Variants in NCKAP5 observed in about 807,000 individuals in gnomAD.
NCKAP5 encodes the protein NCK associated protein 5.
Under a neutral mutation model 167.0 loss-of-function variants are expected in NCKAP5, and 92 were observed. That is an observed-to-expected ratio of 0.55 (90% CI 0.47 to 0.66). NCKAP5 has a LOEUF of 0.66. Ranked by LOEUF, NCKAP5 falls within the 30% of genes least tolerant of loss-of-function variation. The pLI is 0.00. For missense variants in NCKAP5, 2,378 were observed against 2,315.0 expected (o/e 1.03, Z -0.56); for synonymous variants, 891 against 877.4 (o/e 1.02, Z -0.27).
Position 133,417,139 on chromosome 2 carries a change from A to G in NCKAP5, c.69+100319T>C, listed in dbSNP as rs1399333950. Among the ~76,000 whole-genome samples the G allele has an allele frequency of 4.1e-5, 6 of 147,388 alleles. No individual in the cohort carries two copies. The East Asian group carries it at 9.8e-4, about 24-fold the overall frequency. ...AAAGTATGTTAAAAAAAAAAAAAAA[A>G]GGCAGTGTTTTGTTTGTTTCTTTCT... On this transcript the variant is annotated intron_variant, in intron 3 of 19. Coordinates refer to ENST00000409261, the MANE Select transcript of NCKAP5 (RefSeq NM_207363.3).
chr2:133,641,817 G>T, the NCKAP5 span, among the ~76,000 whole-genome samples: 2 of 152,182 alleles, frequency 1.3e-5, no homozygotes, highest in East Asian at 3.9e-4. Context: ...CTCTTCCATG[G>T]CAGGCTCACA....
chr2:133,317,085 G>A (rs1422991589), intron 3 of NCKAP5, among the ~76,000 whole-genome samples: 1 of 152,148 alleles, frequency 6.6e-6, no homozygotes, highest in Admixed American at 6.5e-5. Flanking sequence ...AGCGCCTGAA[G>A]AGACCTTCTC....
chr2:133,599,557 G>T, the NCKAP5 span, among the ~76,000 whole-genome samples: 1 of 152,178 alleles, frequency 6.6e-6, no homozygotes, highest in African/African-American at 2.4e-5. Context: ...TAAGTGCCAG[G>T]CATACTGGAT....
At chr2:133,547,581 A>C (rs1686849059) in intron 2 of NCKAP5, among the ~76,000 whole-genome samples, 1 of 151,644 alleles carries the variant, frequency 6.6e-6, no homozygotes, top group African/African-American at 2.4e-5. Context: ...CTGACCCCCG[A>C]GCAGCCTAAC....
At chr2:133,491,820 G>A (rs1407047570) in intron 3 of NCKAP5, among the ~76,000 whole-genome samples, 5 of 152,210 alleles carry the variant, frequency 3.3e-5, no homozygotes, top group South Asian at 2.1e-4. Flanking sequence ...CGCAGAGACC[G>A]TTAGGTCAGG....
At chr2:132,723,858 C>T (rs75601783) in intron 19 of NCKAP5, among the ~76,000 whole-genome samples, 9,161 of 152,194 alleles carry the variant, frequency 0.06, 930 homozygotes, top group African/African-American at 0.21. Flanking sequence ...AGCAGCCAGA[C>T]GCATCCTTTT....
chr2:133,655,263 G>A, the NCKAP5 span, among the ~76,000 whole-genome samples: 1 of 152,226 alleles, frequency 6.6e-6, no homozygotes, highest in Non-Finnish European at 1.5e-5. Context: ...AGTAAGGCCA[G>A]GGTAGACATT....
At chr2:133,574,372 T>C in the NCKAP5 span, among the ~76,000 whole-genome samples, 3 of 152,176 alleles carry the variant, frequency 2.0e-5, no homozygotes, top group Non-Finnish European at 4.4e-5. Flanking sequence ...GAGGCAGGGA[T>C]GCTCTGCTTT....
chr2:133,322,031 T>C (rs1682093337), intron 3 of NCKAP5, among the ~76,000 whole-genome samples: 1 of 152,198 alleles, frequency 6.6e-6, no homozygotes. Flanking sequence ...TGTGCATTTT[T>C]CTAGTTTTTA....
rs1338984975 is a variant in NCKAP5 at position 133,566,278 on chromosome 2, TAAG to T, written c.-130+1935_-130+1937del. Among the ~76,000 whole-genome samples, 5 of 152,254 alleles carry T rather than the reference TAAG, an allele frequency of 3.3e-5. No individual in the cohort carries two copies. The East Asian group carries it at 9.6e-4, about 29-fold the overall frequency. Reference sequence around the variant, plus strand: ...GGAAAAGCAAAGCAAGCTGTGGCCATAAGAAGAAGTCTGAGACTTGGAAGTAAA... The same window carrying T: ...GGAAAAGCAAAGCAAGCTGTGGCCATAAGAAGTCTGAGACTTGGAAGTAAA... On this transcript the variant is annotated intron_variant, in intron 1 of 19. Transcript: ENST00000409261.
chr2:133,171,165 T>C (rs2084233306), intron 5 of NCKAP5, among the ~76,000 whole-genome samples: 1 of 152,118 alleles, frequency 6.6e-6, no homozygotes, highest in Non-Finnish European at 1.5e-5. Flanking sequence ...GCATCTCAAG[T>C]TATAATAAAA....
At chr2:133,100,143 A>G (rs2081463284) in intron 6 of NCKAP5, among the ~76,000 whole-genome samples, 2 of 152,246 alleles carry the variant, frequency 1.3e-5, no homozygotes, top group South Asian at 4.1e-4. Context: ...GGATACGTCA[A>G]TAACTTCCTT....
In NCKAP5 at chr2:132,895,500, C is replaced by T. The variant is rs1446139268; in HGVS notation, c.580-16584G>A. ...CAGCATGAGAGCAACATCTGGAAGA[C>T]ATCTAGCCAGAAGCTGGAAATGTAG... On this transcript the variant is annotated intron_variant, in intron 8 of 19. Coordinates refer to ENST00000409261, the MANE Select transcript of NCKAP5 (RefSeq NM_207363.3). 2.0e-5 allele frequency among the ~76,000 whole-genome samples: 3 copies of T among 152,068 alleles called. No homozygotes were observed. The East Asian group carries it at 5.8e-4, about 29-fold the overall frequency.
chr2:133,114,061 G>C (rs1282049787), intron 6 of NCKAP5, among the ~76,000 whole-genome samples: 1 of 152,106 alleles, frequency 6.6e-6, no homozygotes. Context: ...TATATATTTA[G>C]ACCCGTAGAA....
At chr2:133,062,949 A>T (rs2080059819) in intron 6 of NCKAP5, among the ~76,000 whole-genome samples, 1 of 152,220 alleles carries the variant, frequency 6.6e-6, no homozygotes, top group Non-Finnish European at 1.5e-5. Flanking sequence ...CAGCATAAGG[A>T]TGTGAATGTA....
chr2:132,813,445 C>T (rs962385201), intron 11 of NCKAP5, among the ~76,000 whole-genome samples: 2 of 152,196 alleles, frequency 1.3e-5, no homozygotes, highest in African/African-American at 4.8e-5. Flanking sequence ...ACACAGTGGA[C>T]ATTCACACAG....
chr2:132,837,574 TTTC>T (rs1273164942), intron 11 of NCKAP5, among the ~76,000 whole-genome samples: 1 of 152,150 alleles, frequency 6.6e-6, no homozygotes, highest in Admixed American at 6.5e-5. Flanking sequence ...TTTTTGCATT[TTTC>T]TTATGTTTTT....
At chr2:132,845,129 A>G (rs1688567813) in intron 11 of NCKAP5, among the ~76,000 whole-genome samples, 1 of 152,048 alleles carries the variant, frequency 6.6e-6, no homozygotes, top group South Asian at 2.1e-4. Context: ...TTAACTGTTA[A>G]CTGTTTCTAC....
chr2:132,879,008 C>T lies in NCKAP5; in HGVS notation c.580-92G>A, dbSNP rs964127781. 61 of 976,960 alleles carry T rather than the reference C, an allele frequency of 6.2e-5. 1 individual carries two copies. Among genetic ancestry groups the T allele is most frequent in the Admixed American group, 1.1e-4 (6 of 53,568 alleles). 60.5% of individuals were successfully genotyped at this position (976,960 alleles called of 1,614,324 possible). A position where few individuals can be genotyped will look rare whatever the true frequency, so the allele number is the denominator to read the frequency against. On this transcript the variant is annotated intron_variant, in intron 8 of 19. Coordinates refer to ENST00000409261, the MANE Select transcript of NCKAP5 (RefSeq NM_207363.3). The stretch of plus-strand genomic sequence containing the variant: ...CATACAGTTACTAAATATATCTCCT[C>T]GTGATCCAAAACAATCTTTTAGAAG...
Sources: gnomAD v4.1 joint callset for allele counts (sites outside exome capture counted in the v4.1 genomes callset) on GRCh38, gnomAD v4.1.1 for gene constraint, MANE v1.5 for transcripts, NCBI Gene and HGNC (gene_info 2026-07-23, HGNC 2026-07-21) for gene names.